AEBP2: variants seen among roughly 807,000 people sequenced by gnomAD.
The protein encoded by AEBP2 is zinc finger protein AEBP2.
Under a neutral mutation model 50.8 loss-of-function variants are expected in AEBP2, and 10 were observed. The ratio of observed to expected loss-of-function variants is 0.20; its 90% CI spans 0.12 to 0.33. The LOEUF is 0.33. Among genes scored for constraint, AEBP2 ranks in the 10% least tolerant of loss-of-function variants. The pLI is 1.00. For synonymous variants in AEBP2, 296 were observed against 261.3 expected, an observed-to-expected ratio of 1.13 and a Z score of -1.28; for missense variants, 570 against 688.0, an observed-to-expected ratio of 0.83 and a Z score of 1.92.
chr12:19,411,791 CAGAA>C (rs1325317523), intron 1 of AEBP2, among the ~76,000 whole-genome samples: 1 of 152,152 alleles, frequency 6.6e-6, no homozygotes, highest in African/African-American at 2.4e-5. Flanking sequence ...AACTATAAGA[CAGAA>C]AGAAAACACT....
At chr12:19,404,779 G>A (rs1453092953) in intron 1 of AEBP2, among the ~76,000 whole-genome samples, 1 of 152,044 alleles carries the variant, frequency 6.6e-6, no homozygotes, top group Non-Finnish European at 1.5e-5. Context: ...GGAGAGTTGA[G>A]TTCTCAGTTC....
rs1363645682 is a variant in AEBP2 at position 19,439,956 on chromosome 12, G to T, written c.257G>T (p.Ser86Ile). 3.3e-6 allele frequency: 5 copies of T among 1,518,868 alleles called. No homozygotes were observed. The highest frequency in any genetic ancestry group is 4.4e-6 in the Non-Finnish European group (5 of 1,140,232). 94.1% of individuals were successfully genotyped at this position (1,518,868 alleles called of 1,614,324 possible). A position where few individuals can be genotyped will look rare whatever the true frequency, so the allele number is the denominator to read the frequency against. ...GGEAETMSEP[S>I]PESASQAGED... ...GAGGCAGAGACGATGTCGGAGCCGA[G>T]CCCCGAGAGCGCCAGCCAGGCCGGG... Residue 86 changes from serine to isoleucine, a missense_variant, in exon 1 of 8, where the codon AGC becomes ATC. This residue lies in a region of AEBP2 where 386 missense variants were observed against 336.8 expected (regional missense o/e 1.15). Transcript: ENST00000266508.
At chr12:19,501,793 G>GTTTTTTTTTTTTTTTTTTT (rs1204632203) in intron 5 of AEBP2, among the ~76,000 whole-genome samples, 2 of 35,178 alleles carry the variant, frequency 5.7e-5, no homozygotes, top group Non-Finnish European at 7.5e-5. Context: ...ATAAAAATGA[G>GTTTTTTTTTTTTTTTTTTT]TTTGTTTTTT....
intron 1 of AEBP2, among the ~76,000 whole-genome samples, chr12:19,416,622 C>CTT (rs527414094): frequency 7.1e-5 from 9 of 126,434 alleles, no homozygotes; most frequent in Non-Finnish European, 6.8e-5. Context: ...CCAGGCTGGT[C>CTT]TTTTTTTTTT....
intron 4 of AEBP2, among the ~76,000 whole-genome samples, chr12:19,496,153 C>T (rs947578642): frequency 2.0e-5 from 3 of 151,912 alleles, no homozygotes; most frequent in Non-Finnish European, 2.9e-5. Context: ...CTATGCAATT[C>T]GCTACTCTTT....
chr12:19,480,770 A>G (rs1371927058), intron 3 of AEBP2, among the ~76,000 whole-genome samples: 1 of 152,098 alleles, frequency 6.6e-6, no homozygotes, highest in Non-Finnish European at 1.5e-5. Context: ...TGCCTAGGTG[A>G]TAATATTTTT....
At chr12:19,478,513 C>G (rs1948683200) in intron 3 of AEBP2, among the ~76,000 whole-genome samples, 1 of 152,134 alleles carries the variant, frequency 6.6e-6, no homozygotes, top group Non-Finnish European at 1.5e-5. Flanking sequence ...TGGTCTCAAA[C>G]TCCTGACCTC....
At chr12:19,490,390 G>T (rs1421018791) in intron 3 of AEBP2, among the ~76,000 whole-genome samples, 1 of 152,102 alleles carries the variant, frequency 6.6e-6, no homozygotes, top group African/African-American at 2.4e-5. Flanking sequence ...TGAGTATCAG[G>T]TTTTTTATCG....
intron 1 of AEBP2, among the ~76,000 whole-genome samples, chr12:19,450,987 GT>G (rs35893035): frequency 0.85 from 127,679 of 150,902 alleles, 54,239 homozygotes; most frequent in African/African-American, 0.92. Flanking sequence ...TAGTATGACA[GT>G]TTTTTTTTTG....
chr12:19,452,403 A>C (rs1046141037), intron 1 of AEBP2, among the ~76,000 whole-genome samples: 1 of 152,246 alleles, frequency 6.6e-6, no homozygotes, highest in Admixed American at 6.5e-5. Flanking sequence ...AACAAGATTT[A>C]GAGTGCCTTT....
chr12:19,496,258 T>C (rs1198910358), intron 4 of AEBP2, among the ~76,000 whole-genome samples: 1 of 152,186 alleles, frequency 6.6e-6, no homozygotes, highest in Admixed American at 6.5e-5. Flanking sequence ...CTTTTGACGG[T>C]GGTGTTTTTC....
intron 1 of AEBP2, among the ~76,000 whole-genome samples, chr12:19,443,724 A>G (rs1948006516): frequency 6.6e-6 from 1 of 152,114 alleles, no homozygotes; most frequent in Non-Finnish European, 1.5e-5. Flanking sequence ...CTCCATCTCA[A>G]AAAAAGATAA....
At position 19,521,552 on chromosome 12, in the gene AEBP2, A is replaced by G. The variant is rs971771089; in HGVS notation, c.*3435A>G. On this transcript the variant is annotated 3_prime_UTR_variant, in exon 8 of 8. Transcript: ENST00000266508. ...TATATTTCTAATAAACTTTTTATAT[A>G]TAAATGTTACCTAAAGTGGACACAT... The G allele has an allele frequency of 3.9e-5, 6 of 152,204 alleles. No homozygotes were observed. The highest frequency in any genetic ancestry group is 1.4e-4 in the African/African-American group (6 of 41,562). 9.4% of individuals were successfully genotyped at this position (152,204 alleles called of 1,614,324 possible). A position where few individuals can be genotyped will look rare whatever the true frequency, so the allele number is the denominator to read the frequency against.
chr12:19,518,940 A>T lies in AEBP2; in HGVS notation c.*823A>T, dbSNP rs957643617. 3.2e-5 allele frequency: 10 copies of T among 310,974 alleles called. No homozygotes were observed. The highest frequency in any genetic ancestry group is 1.7e-4 in the African/African-American group (8 of 46,090). The allele number at this position is 310,974 out of a possible 1,614,324, so 19.3% of individuals were successfully genotyped here. A position where few individuals can be genotyped will look rare whatever the true frequency, so the allele number is the denominator to read the frequency against. On this transcript the variant is annotated 3_prime_UTR_variant, in exon 8 of 8. Transcript: ENST00000266508. The stretch of plus-strand genomic sequence containing the variant: ...TTCATATTTTCATTTAACCTATATG[A>T]CTCTAATTTTTTTTCTGAGGAAATC...
intron 1 of AEBP2, chr12:19,456,319 T>C: frequency 4.8e-6 from 7 of 1,460,076 alleles, no homozygotes; most frequent in Non-Finnish European, 6.7e-6. Flanking sequence ...TTCACTGCTT[T>C]GATGACATCC....
At chr12:19,501,797 GTTT>G (rs754195220) in intron 5 of AEBP2, among the ~76,000 whole-genome samples, 21 of 70,904 alleles carry the variant, frequency 3.0e-4, no homozygotes, top group African/African-American at 6.9e-4. Flanking sequence ...AAATGAGTTT[GTTT>G]TTTTTTTTTT....
chr12:19,417,827 C>T (rs575397967), intron 1 of AEBP2, among the ~76,000 whole-genome samples: 2 of 152,076 alleles, frequency 1.3e-5, no homozygotes, highest in African/African-American at 4.8e-5. Context: ...GCCTCAGCCT[C>T]CTGAGTAGCT....
At chr12:19,481,114 T>TTTTTTTTTTTTTTTTTTTTTTTTTC (rs1948722453) in intron 3 of AEBP2, among the ~76,000 whole-genome samples, 1 of 140,170 alleles carries the variant, frequency 7.1e-6, no homozygotes, top group Non-Finnish European at 1.5e-5. Context: ...TTTTTTTTTT[T>TTTTTTTTTTTTTTTTTTTTTTTTTC]TTTTGAGACC....
At chr12:19,404,930 C>CTTTTTTTTTT (rs34351225) in intron 1 of AEBP2, among the ~76,000 whole-genome samples, 1 of 95,716 alleles carries the variant, frequency 1.0e-5, no homozygotes, top group Non-Finnish European at 2.0e-5. Flanking sequence ...CTTGGCTACT[C>CTTTTTTTTTT]TTTTTTTTTT....
Sources: allele counts gnomAD v4.1 joint callset (sites outside exome capture counted in the v4.1 genomes callset), GRCh38; gene constraint gnomAD v4.1.1; regional missense constraint gnomAD v4.1.1; transcripts MANE v1.5; gene names NCBI Gene and HGNC (gene_info 2026-07-23, HGNC 2026-07-21).